PTPN4: variants seen among roughly 807,000 people sequenced by gnomAD.
PTPN4 encodes the protein tyrosine-protein phosphatase non-receptor type 4.
A neutral mutation model predicts 135.5 loss-of-function variants in PTPN4; 49 were observed. The observed-to-expected ratio is 0.36, with a 90% confidence interval of 0.29 to 0.46. The LOEUF is 0.46. PTPN4 is among the 20% of genes least tolerant of loss of function. PTPN4 has a pLI of 1.00. For synonymous variants in PTPN4, 333 were observed against 369.9 expected (o/e 0.90, Z 1.14); for missense variants, 860 against 1,101.0 (o/e 0.78, Z 3.10).
chr2:119,943,004 T>C (rs142361103), intron 15 of PTPN4, among the ~76,000 whole-genome samples: 1,837 of 152,336 alleles, frequency 0.012, 20 homozygotes, highest in Non-Finnish European at 0.019. Flanking sequence ...GCAGTCTTTG[T>C]AGACTTGGCA....
chr2:119,878,827 C>A (rs1363786699), intron 5 of PTPN4, among the ~76,000 whole-genome samples: 4 of 151,710 alleles, frequency 2.6e-5, no homozygotes, highest in Non-Finnish European at 5.9e-5. Context: ...GGTGCAGTGG[C>A]TCACGCCTGT....
At chr2:119,917,708 A>G (rs2105027081) in intron 11 of PTPN4, among the ~76,000 whole-genome samples, 1 of 152,214 alleles carries the variant, frequency 6.6e-6, no homozygotes, top group African/African-American at 2.4e-5. Flanking sequence ...CAGCCCGGAC[A>G]ACAGAGCTGG....
At chr2:119,826,222 T>A (rs1169261813) in intron 2 of PTPN4, among the ~76,000 whole-genome samples, 1 of 152,242 alleles carries the variant, frequency 6.6e-6, no homozygotes, top group Non-Finnish European at 1.5e-5. Context: ...CACATTTTCC[T>A]ATTTGTTCAT....
intron 2 of PTPN4, among the ~76,000 whole-genome samples, chr2:119,851,738 G>T (rs1677594872): frequency 6.6e-6 from 1 of 152,180 alleles, no homozygotes; most frequent in African/African-American, 2.4e-5. Flanking sequence ...CCTGGGGCCT[G>T]CATTCAATTA....
chr2:119,828,338 G>A (rs923620242), intron 2 of PTPN4, among the ~76,000 whole-genome samples: 3 of 152,336 alleles, frequency 2.0e-5, no homozygotes, highest in South Asian at 4.1e-4. Flanking sequence ...AGAACCATGA[G>A]TAATACTAAT....
chr2:119,884,439 A>G (rs1010295840), intron 8 of PTPN4, among the ~76,000 whole-genome samples: 1 of 152,230 alleles, frequency 6.6e-6, no homozygotes, highest in Non-Finnish European at 1.5e-5. Flanking sequence ...CTAAAAGCCT[A>G]CAATATTTAC....
intron 2 of PTPN4, among the ~76,000 whole-genome samples, chr2:119,815,312 G>T (rs1338736037): frequency 4.6e-5 from 7 of 152,144 alleles, no homozygotes; most frequent in East Asian, 1.9e-4. Context: ...AAGAATGTTG[G>T]TGAAGTGCCT....
Position 119,876,897 on chromosome 2 carries a change from A to ATATG in PTPN4, c.247-425_247-424insATGT, listed in dbSNP as rs1491120929. ...CTGAATGAGTATAAAGCCCAAGAGCATGTGTGTGTGTGTGTGTGTGTGTGT... is the reference window on the plus strand; with the variant it reads ...CTGAATGAGTATAAAGCCCAAGAGCATATGTGTGTGTGTGTGTGTGTGTGTGTGT... On this transcript the variant is annotated intron_variant, in intron 3 of 26. Transcript: ENST00000263708. Among the ~76,000 whole-genome samples, 55 of 136,136 alleles carry ATATG rather than the reference A, an allele frequency of 4.0e-4. 1 individual carries two copies. The highest frequency in any genetic ancestry group is 1.3e-3 in the South Asian group (5 of 3,922). 89.3% of individuals were successfully genotyped at this position (136,136 alleles called of 152,430 possible).
chr2:119,917,340 T>C (rs1316578805), intron 11 of PTPN4, among the ~76,000 whole-genome samples: 3 of 152,192 alleles, frequency 2.0e-5, no homozygotes, highest in Admixed American at 2.0e-4. Flanking sequence ...TTCATAAGCA[T>C]GATGATTAGA....
intron 2 of PTPN4, among the ~76,000 whole-genome samples, chr2:119,844,456 C>T (rs1267269370): frequency 1.1e-4 from 15 of 135,816 alleles, no homozygotes; most frequent in South Asian, 2.4e-4. Flanking sequence ...ACTTCTCAGA[C>T]GGGGCAGCTG....
At chr2:119,927,067 A>G (rs1157388086) in intron 13 of PTPN4, among the ~76,000 whole-genome samples, 1 of 150,296 alleles carries the variant, frequency 6.7e-6, no homozygotes, top group East Asian at 1.9e-4. Context: ...GTTTTTGTTT[A>G]CCATTTATTG....
At chr2:119,926,494 A>G in intron 12 of PTPN4, 104 bp from the exon 13 acceptor site, 3 of 685,626 alleles carry the variant, frequency 4.4e-6, no homozygotes, top group Middle Eastern at 2.8e-4. Flanking sequence ...TCTGCTAGAA[A>G]TGTCTTGTCT....
At chr2:119,779,383 C>T (rs1690896016) in intron 1 of PTPN4, among the ~76,000 whole-genome samples, 1 of 152,038 alleles carries the variant, frequency 6.6e-6, no homozygotes, top group African/African-American at 2.4e-5. Context: ...TTTGGGAGCC[C>T]GAGGCAGGCG....
rs1690445752 is a variant in PTPN4 at position 119,759,944 on chromosome 2, C to T, written c.-458C>T. 5.5e-6 allele frequency: 2 copies of T among 365,544 alleles called. No individual in the cohort carries two copies. Among genetic ancestry groups the T allele is most frequent in the East Asian group, 4.0e-5 (1 of 25,112 alleles). 22.6% of individuals were successfully genotyped at this position (365,544 alleles called of 1,614,324 possible). A position where few individuals can be genotyped will look rare whatever the true frequency, so the allele number is the denominator to read the frequency against. The stretch of plus-strand genomic sequence containing the variant: ...CCCAGGATTACCCGCCAGCTCACGC[C>T]GCGCAGTGCGCTTTTCCGCTCCTCG... On this transcript the variant is annotated 5_prime_UTR_variant, in exon 1 of 27. Coordinates refer to ENST00000263708, the MANE Select transcript of PTPN4 (RefSeq NM_002830.4).
chr2:119,803,906 T>C (rs1187815460), intron 1 of PTPN4, among the ~76,000 whole-genome samples: 1 of 152,146 alleles, frequency 6.6e-6, no homozygotes, highest in Non-Finnish European at 1.5e-5. Flanking sequence ...CCTAATCTGT[T>C]CTTATGAATT....
At chr2:119,776,549 G>T (rs111985228) in intron 1 of PTPN4, among the ~76,000 whole-genome samples, 1 of 152,212 alleles carries the variant, frequency 6.6e-6, no homozygotes, top group African/African-American at 2.4e-5. Context: ...AAGTTACGTG[G>T]AGTGTGCCTG....
In PTPN4 at chr2:119,962,615, G is replaced by A; in HGVS notation, c.2281-1G>A. 6.9e-7 allele frequency: 1 copy of A among 1,454,556 alleles called. No homozygotes were observed. The allele number at this position is 1,454,556 out of a possible 1,614,324, so 90.1% of individuals were successfully genotyped here. A position where few individuals can be genotyped will look rare whatever the true frequency, so the allele number is the denominator to read the frequency against. ...TTATTATTTATTTATATCAATATCAGGTTAAATGTCACCAATATTGGCCAG... is the reference window on the plus strand; with the variant it reads ...TTATTATTTATTTATATCAATATCAAGTTAAATGTCACCAATATTGGCCAG... On this transcript the variant is annotated splice_acceptor_variant, in intron 23 of 26. Transcript: ENST00000263708. LOFTEE classifies it high-confidence loss of function.
chr2:119,807,097 T>C (rs1558731910), intron 1 of PTPN4, among the ~76,000 whole-genome samples: 1 of 152,196 alleles, frequency 6.6e-6, no homozygotes, highest in Admixed American at 6.5e-5. Flanking sequence ...GGAAAATTTA[T>C]AGCACTAAAT....
At chr2:119,821,093 A>G (rs1485355134) in intron 2 of PTPN4, among the ~76,000 whole-genome samples, 2 of 122,402 alleles carry the variant, frequency 1.6e-5, no homozygotes, top group East Asian at 4.5e-4. Context: ...TCTATCCATA[A>G]TTTTTTTTTT....
Sources: allele counts gnomAD v4.1 joint callset (sites outside exome capture counted in the v4.1 genomes callset), GRCh38; gene constraint gnomAD v4.1.1; transcripts MANE v1.5; gene names NCBI Gene and HGNC (gene_info 2026-07-23, HGNC 2026-07-21).